DKK3: variants seen among roughly 807,000 people sequenced by gnomAD.
DKK3 encodes the protein dickkopf-related protein 3.
Under a neutral mutation model 33.2 loss-of-function variants are expected in DKK3, and 22 were observed. The observed-to-expected ratio is 0.66, with a 90% CI of 0.47 to 0.95. DKK3 has a LOEUF of 0.95. DKK3 is among the 40% of genes least tolerant of loss of function. The probability of loss-of-function intolerance (pLI) is 0.00; values close to 1 mark genes in which losing one functional copy is unlikely to be tolerated. For missense variants in DKK3, 398 were observed against 458.4 expected (o/e 0.87, Z 1.20); for synonymous variants, 194 against 188.8 (o/e 1.03, Z -0.23).
upstream of DKK3, chr11:12,009,449 G>A (rs1046812825): frequency 3.9e-5 from 37 of 940,650 alleles, no homozygotes; most frequent in African/African-American, 6.6e-4. Context: ...GCCAGCCGGG[G>A]CGCCGGCCAC....
chr11:11,980,375 A>G (rs1847930166), intron 3 of DKK3, among the ~76,000 whole-genome samples: 1 of 152,198 alleles, frequency 6.6e-6, no homozygotes, highest in Admixed American at 6.5e-5. Flanking sequence ...CAAGGTCATG[A>G]GTTCCTGTAA....
intron 3 of DKK3, among the ~76,000 whole-genome samples, chr11:11,972,727 T>G (rs1847749747): frequency 6.6e-6 from 1 of 152,204 alleles, no homozygotes; most frequent in South Asian, 2.1e-4. Flanking sequence ...TTTTTTTCTT[T>G]TCCATAATTC....
At chr11:11,991,455 C>T (rs948221202) in intron 3 of DKK3, among the ~76,000 whole-genome samples, 7 of 152,154 alleles carry the variant, frequency 4.6e-5, no homozygotes, top group African/African-American at 1.7e-4. Flanking sequence ...CATAGTGGCT[C>T]ATGCCTATAG....
intron 3 of DKK3, among the ~76,000 whole-genome samples, chr11:11,977,681 G>C (rs1233980131): frequency 6.6e-6 from 1 of 152,126 alleles, no homozygotes; most frequent in African/African-American, 2.4e-5. Context: ...CCTGGCCGGG[G>C]TCTATTCCCC....
intron 6 of DKK3, 53 bp downstream of exon 6, chr11:11,965,756 A>T (rs1437735045): frequency 6.3e-7 from 1 of 1,587,790 alleles, no homozygotes; most frequent in Admixed American, 1.7e-5. Context: ...CCCCTGCTGG[A>T]TGGCACCTCC....
At chr11:12,007,810 G>T (rs933868918) in intron 1 of DKK3, among the ~76,000 whole-genome samples, 1 of 152,128 alleles carries the variant, frequency 6.6e-6, no homozygotes, top group African/African-American at 2.4e-5. Flanking sequence ...ATCCTCATCC[G>T]CCACTCATAC....
At chr11:11,969,765 A>G (rs1292597340) in intron 3 of DKK3, among the ~76,000 whole-genome samples, 1 of 152,156 alleles carries the variant, frequency 6.6e-6, no homozygotes, top group Admixed American at 6.5e-5. Flanking sequence ...GTCCCCTTCC[A>G]GGGGCTCTGC....
chr11:12,003,130 C>A (rs1369650908), intron 1 of DKK3, among the ~76,000 whole-genome samples: 1 of 152,232 alleles, frequency 6.6e-6, no homozygotes, highest in Admixed American at 6.5e-5. Flanking sequence ...TCTTTCATCA[C>A]ACTTTCCCAC....
chr11:12,009,505 G>C (rs553965031), upstream of DKK3: 674 of 932,438 alleles, frequency 7.2e-4, 3 homozygotes, highest in African/African-American at 9.4e-3. Flanking sequence ...TCAGCGACCA[G>C]CTCTACCGAA....
chr11:11,974,930 G>A (rs1053415545), intron 3 of DKK3, among the ~76,000 whole-genome samples: 3 of 151,952 alleles, frequency 2.0e-5, no homozygotes, highest in African/African-American at 7.3e-5. Flanking sequence ...CAGAAAGAAC[G>A]AACTGACCAG....
rs187640236 is a variant in DKK3 at position 11,995,411 on chromosome 11, G to C, written c.435+3285C>G. ...TCCAGAAGTCTTGGCCAGTATCTTGGAGTTGCTTGTACATGATTGAACTTA... is the reference window on the plus strand; with the variant it reads ...TCCAGAAGTCTTGGCCAGTATCTTGCAGTTGCTTGTACATGATTGAACTTA... On this transcript the variant is annotated intron_variant, in intron 3 of 6. Transcript: ENST00000683431. Among the ~76,000 whole-genome samples, 7 of 152,262 alleles carry C rather than the reference G, an allele frequency of 4.6e-5. No individual in the cohort carries two copies. The East Asian group carries it at 1.3e-3, about 29-fold the overall frequency.
At chr11:11,989,628 C>T (rs543868495) in intron 3 of DKK3, among the ~76,000 whole-genome samples, 1 of 152,278 alleles carries the variant, frequency 6.6e-6, no homozygotes, top group South Asian at 2.1e-4. Flanking sequence ...CTCTGATTTG[C>T]AAGATGAGAA....
intron 3 of DKK3, among the ~76,000 whole-genome samples, chr11:11,988,512 T>C (rs1427687936): frequency 6.6e-6 from 1 of 152,198 alleles, no homozygotes; most frequent in Non-Finnish European, 1.5e-5. Context: ...TCCCCTGGCC[T>C]ACCTCCCGGG....
intron 3 of DKK3, among the ~76,000 whole-genome samples, chr11:11,996,284 T>G (rs975616706): frequency 6.6e-6 from 1 of 152,246 alleles, no homozygotes; most frequent in Non-Finnish European, 1.5e-5. Flanking sequence ...ATTCCCTTGA[T>G]AGTAAACTAG....
At chr11:11,984,972 GC>G (rs1848038491) in intron 3 of DKK3, among the ~76,000 whole-genome samples, 1 of 152,186 alleles carries the variant, frequency 6.6e-6, no homozygotes, top group South Asian at 2.1e-4. Flanking sequence ...ATGCTAATGA[GC>G]CTGGGAAAAA....
At chr11:11,974,799 G>A (rs1220400575) in intron 3 of DKK3, among the ~76,000 whole-genome samples, 1 of 152,140 alleles carries the variant, frequency 6.6e-6, no homozygotes, top group African/African-American at 2.4e-5. Flanking sequence ...AGCCACTTGG[G>A]AGGCTGAGGT....
intron 3 of DKK3, among the ~76,000 whole-genome samples, chr11:11,975,523 G>A (rs576232605): frequency 6.6e-6 from 1 of 152,348 alleles, no homozygotes; most frequent in South Asian, 2.1e-4. Flanking sequence ...TATAATTTGT[G>A]AGATAAACAA....
chr11:12,006,743 GCT>G (rs1848544468), intron 1 of DKK3, among the ~76,000 whole-genome samples: 1 of 152,180 alleles, frequency 6.6e-6, no homozygotes, highest in African/African-American at 2.4e-5. Context: ...GGCCCTTGCT[GCT>G]CTCTCTCCTC....
At chr11:11,967,130 C>T (rs767301375) in intron 4 of DKK3, 32 bp from the exon 5 acceptor site, 9 of 1,605,468 alleles carry the variant, frequency 5.6e-6, no homozygotes, top group African/African-American at 4.0e-5. Context: ...CTAGAGCCAG[C>T]GGCTTAGGGA....
Sources: gnomAD v4.1 joint callset for allele counts (sites outside exome capture counted in the v4.1 genomes callset) on GRCh38, gnomAD v4.1.1 for gene constraint, MANE v1.5 for transcripts, NCBI Gene and HGNC (gene_info 2026-07-23, HGNC 2026-07-21) for gene names.